The following TENM3 variants were observed in gnomAD, a reference collection of about 807,000 sequenced individuals.
TENM3 encodes teneurin transmembrane protein 3, also known as teneurin-3.
Under a neutral mutation model 255.1 loss-of-function variants are expected in TENM3, and 63 were observed. The ratio of observed to expected loss-of-function variants is 0.25; its 90% CI spans 0.20 to 0.30. The LOEUF (loss-of-function observed/expected upper bound fraction) is 0.30. TENM3 is among the 10% of genes least tolerant of loss of function. TENM3 has a pLI of 1.00. For synonymous variants in TENM3, 1,306 were observed against 1,322.3 expected (o/e 0.99, Z 0.27); for missense variants, 2,929 against 3,461.1 (o/e 0.85, Z 3.86).
the TENM3 span, among the ~76,000 whole-genome samples, chr4:181,768,301 G>T: frequency 6.6e-6 from 1 of 152,146 alleles, no homozygotes; most frequent in African/African-American, 2.4e-5. Context: ...GTGAGTAGGG[G>T]CCCGGGATGA....
At chr4:182,217,267 C>T (rs929418809) in intron 1 of TENM3, among the ~76,000 whole-genome samples, 1 of 151,882 alleles carries the variant, frequency 6.6e-6, no homozygotes, top group African/African-American at 2.4e-5. Context: ...GTGATCCACC[C>T]ACCTCGGCTT....
the TENM3 span, among the ~76,000 whole-genome samples, chr4:181,597,744 T>C: frequency 2.6e-5 from 4 of 152,318 alleles, no homozygotes; most frequent in Admixed American, 2.6e-4. Flanking sequence ...TTGATTAACA[T>C]AGACAAGTCC....
chr4:181,681,734 A>G, the TENM3 span, among the ~76,000 whole-genome samples: 1 of 145,880 alleles, frequency 6.9e-6, no homozygotes, highest in African/African-American at 2.7e-5. Context: ...ATTTGGTTTT[A>G]GGTAGACTCA....
chr4:182,327,817 C>G (rs1763508150), intron 2 of TENM3, among the ~76,000 whole-genome samples: 2 of 152,208 alleles, frequency 1.3e-5, no homozygotes, highest in Middle Eastern at 3.4e-3. Context: ...GAAAATTTAT[C>G]CCATCAGGTC....
At chr4:181,577,199 A>ATATATAT in the TENM3 span, among the ~76,000 whole-genome samples, 3 of 125,840 alleles carry the variant, frequency 2.4e-5, no homozygotes, top group Non-Finnish European at 4.9e-5. Context: ...TATATATATT[A>ATATATAT]TATATATATA....
intron 3 of TENM3, among the ~76,000 whole-genome samples, chr4:182,368,939 A>G (rs1766607078): frequency 6.6e-6 from 1 of 152,124 alleles, no homozygotes; most frequent in Non-Finnish European, 1.5e-5. Flanking sequence ...CCTCACAAAA[A>G]TCCTCTTACT....
rs1051927227 is a variant in TENM3 at position 182,301,560 on chromosome 4, G to C, written c.-75-22386G>C. ...TAAACTCATGAATAATCAGTTAAAT[G>C]AAAAAGAAATGCACATTTAAGAGCA... On this transcript the variant is annotated intron_variant, in intron 1 of 27. Coordinates refer to ENST00000511685, the MANE Select transcript of TENM3 (RefSeq NM_001080477.4). 1.4e-4 allele frequency among the ~76,000 whole-genome samples: 22 copies of C among 152,250 alleles called. 1 individual carries two copies. The East Asian group carries it at 4.0e-3, about 28-fold the overall frequency.
At chr4:181,578,382 C>T in the TENM3 span, among the ~76,000 whole-genome samples, 1 of 152,148 alleles carries the variant, frequency 6.6e-6, no homozygotes, top group Non-Finnish European at 1.5e-5. Context: ...AGTCTCTAGG[C>T]TTAACTGACA....
intron 3 of TENM3, among the ~76,000 whole-genome samples, chr4:182,418,074 A>G (rs1191560412): frequency 6.6e-6 from 1 of 152,242 alleles, no homozygotes; most frequent in Non-Finnish European, 1.5e-5. Context: ...TTATCTGTGC[A>G]GGTGCTAACA....
chr4:182,641,385 T>C (rs1483955304), intron 5 of TENM3, among the ~76,000 whole-genome samples: 1 of 152,230 alleles, frequency 6.6e-6, no homozygotes, highest in African/African-American at 2.4e-5. Flanking sequence ...TTACAATGCC[T>C]TAAAATTTCA....
chr4:181,757,915 C>T, the TENM3 span, among the ~76,000 whole-genome samples: 1 of 152,136 alleles, frequency 6.6e-6, no homozygotes, highest in Non-Finnish European at 1.5e-5. Context: ...TGCCAACTCC[C>T]TCTGTTTTCT....
chr4:181,525,845 G>A, the TENM3 span, among the ~76,000 whole-genome samples: 1 of 152,154 alleles, frequency 6.6e-6, no homozygotes, highest in Non-Finnish European at 1.5e-5. Context: ...CTTTGCACGC[G>A]CTACTTCTCA....
intron 3 of TENM3, among the ~76,000 whole-genome samples, chr4:182,523,680 G>A (rs941405261): frequency 2.0e-5 from 3 of 152,244 alleles, no homozygotes; most frequent in South Asian, 2.1e-4. Flanking sequence ...AGCTGCTTGT[G>A]TTAGTGACAG....
chr4:182,066,180 A>G, the TENM3 span, among the ~76,000 whole-genome samples: 1 of 152,026 alleles, frequency 6.6e-6, no homozygotes, highest in South Asian at 2.1e-4. Context: ...TAATATTCCA[A>G]CCATCCCACT....
rs775167876 is a variant in TENM3, at chr4:182,688,212, G to T, written c.2082G>T (p.Gly694=). The change falls in exon 12 of 28, where the codon GGG becomes GGT. Residue 694 remains glycine, a synonymous_variant. Transcript: ENST00000511685. ...GCTCACACGGCGTTTGCATGGGGGG[G>T]ACGTGTCGCTGTGAAGAAGGCTGGA... ...DCGSHGVCMG[G]TCRCEEGWTG... is the part of the protein sequence containing the mutation. The T allele has an allele frequency of 6.2e-6, 10 of 1,613,766 alleles. No homozygotes were observed. Among genetic ancestry groups the T allele is most frequent in the Non-Finnish European group, 8.5e-6 (10 of 1,179,850 alleles).
intron 4 of TENM3, among the ~76,000 whole-genome samples, chr4:182,606,290 G>A (rs1367330464): frequency 2.0e-5 from 3 of 152,136 alleles, no homozygotes; most frequent in African/African-American, 4.8e-5. Context: ...TTGGGAGGCC[G>A]AGGCGGGTGG....
rs574505582 is a variant in TENM3 at position 182,444,371 on chromosome 4, A to G, written c.511+97442A>G. 4.3e-4 allele frequency among the ~76,000 whole-genome samples: 66 copies of G among 152,312 alleles called. 1 individual carries two copies. Among genetic ancestry groups the G allele is most frequent in the Non-Finnish European group, 8.5e-4 (58 of 68,022 alleles). On this transcript the variant is annotated intron_variant, in intron 3 of 27. Transcript: ENST00000511685. ...AACTAATGTACCATTATTATTACCA[A>G]TTGATCTCAGTGTGCTATAATTTTG...
chr4:182,070,490 G>C, the TENM3 span, among the ~76,000 whole-genome samples: 910 of 152,170 alleles, frequency 6.0e-3, 6 homozygotes, highest in Non-Finnish European at 8.1e-3. Context: ...AGCGGCACAC[G>C]CCTATAATCC....
intron 12 of TENM3, among the ~76,000 whole-genome samples, chr4:182,699,185 T>C (rs1757657454): frequency 6.6e-6 from 1 of 152,244 alleles, no homozygotes; most frequent in South Asian, 2.1e-4. Flanking sequence ...AAATTAAGCT[T>C]TCTCCTACAA....
Sources: allele counts gnomAD v4.1 joint callset (sites outside exome capture counted in the v4.1 genomes callset), GRCh38; gene constraint gnomAD v4.1.1; transcripts MANE v1.5; gene names NCBI Gene and HGNC (gene_info 2026-07-23, HGNC 2026-07-21).